PRKACB: variants seen among roughly 807,000 people sequenced by gnomAD.
PRKACB encodes the protein cAMP-dependent protein kinase catalytic subunit beta.
In PRKACB, 16 loss-of-function variants were observed where a neutral mutation model predicts 51.4. The ratio of observed to expected loss-of-function variants is 0.31; its 90% CI spans 0.21 to 0.47. The LOEUF is 0.47. PRKACB is among the 20% of genes least tolerant of loss of function. The probability of loss-of-function intolerance (pLI) is 1.00; values close to 1 mark genes in which losing one functional copy is unlikely to be tolerated. For missense variants in PRKACB, 309 were observed against 464.5 expected (o/e 0.67, Z 3.08); for synonymous variants, 147 against 154.4 (o/e 0.95, Z 0.35).
chr1:84,164,477 C>A, intron 1 of PRKACB: 1 of 1,541,750 alleles, frequency 6.5e-7, no homozygotes, highest in African/African-American at 1.4e-5. Flanking sequence ...ATGTAAAAAG[C>A]GTAGATTAGT....
At chr1:84,079,980 A>T (rs1467704278) in intron 1 of PRKACB, among the ~76,000 whole-genome samples, 1 of 152,148 alleles carries the variant, frequency 6.6e-6, no homozygotes, top group Non-Finnish European at 1.5e-5. Flanking sequence ...TTGTCTTTTT[A>T]AAATTGCACA....
chr1:84,211,709 A>G (rs1672160599), intron 8 of PRKACB, among the ~76,000 whole-genome samples: 1 of 152,174 alleles, frequency 6.6e-6, no homozygotes, highest in Non-Finnish European at 1.5e-5. Flanking sequence ...TAGCTCTGTA[A>G]TCTTAGGCAA....
intron 1 of PRKACB, among the ~76,000 whole-genome samples, chr1:84,122,691 A>C (rs1651182187): frequency 6.6e-6 from 1 of 152,202 alleles, no homozygotes; most frequent in Non-Finnish European, 1.5e-5. Flanking sequence ...TAGTGAATTA[A>C]AAGGACGTTT....
chr1:84,158,175 T>C (rs139159961), intron 1 of PRKACB, among the ~76,000 whole-genome samples: 39 of 152,092 alleles, frequency 2.6e-4, no homozygotes, highest in African/African-American at 8.9e-4. Context: ...GTAGCTGGCA[T>C]TACAGGCATG....
At chr1:84,179,969 C>T (rs1386353707) in intron 2 of PRKACB, among the ~76,000 whole-genome samples, 3 of 145,824 alleles carry the variant, frequency 2.1e-5, no homozygotes, top group African/African-American at 5.1e-5. Flanking sequence ...CGACAGGCCC[C>T]GGTGTGTGAT....
intron 1 of PRKACB, among the ~76,000 whole-genome samples, chr1:84,106,100 A>G (rs1378443329): frequency 6.6e-6 from 1 of 152,166 alleles, no homozygotes; most frequent in East Asian, 1.9e-4. Context: ...TACAAATACT[A>G]TGCCATTTGA....
At chr1:84,145,563 T>C (rs1374790415) in intron 1 of PRKACB, among the ~76,000 whole-genome samples, 1 of 152,144 alleles carries the variant, frequency 6.6e-6, no homozygotes, top group African/African-American at 2.4e-5. Flanking sequence ...TTTGAATTAA[T>C]TTTTTACTAA....
At chr1:84,086,311 G>T (rs960637734) in intron 1 of PRKACB, 1 of 917,174 alleles carries the variant, frequency 1.1e-6, no homozygotes, top group East Asian at 2.4e-5. Context: ...CCTCCCTCCT[G>T]TCTGGCCCCT....
chr1:84,126,683 C>T (rs553431604), intron 1 of PRKACB, among the ~76,000 whole-genome samples: 2 of 152,140 alleles, frequency 1.3e-5, no homozygotes, highest in Non-Finnish European at 2.9e-5. Context: ...CCCTCTTCTA[C>T]CCAGTATTTC....
chr1:84,233,946 G>A (rs1267380069), intron 9 of PRKACB, among the ~76,000 whole-genome samples: 15 of 151,742 alleles, frequency 9.9e-5, no homozygotes, highest in Admixed American at 3.3e-4. Context: ...GCTTTGTTCC[G>A]TTGCTGGTGA....
chr1:84,088,837 GGA>G (rs1648228461), intron 1 of PRKACB, among the ~76,000 whole-genome samples: 1 of 152,168 alleles, frequency 6.6e-6, no homozygotes, highest in Admixed American at 6.5e-5. Flanking sequence ...CCTTAAATTG[GGA>G]GACAGATACA....
chr1:84,175,799 A>T (rs1661042885), intron 1 of PRKACB: 2 of 1,573,862 alleles, frequency 1.3e-6, no homozygotes, highest in Non-Finnish European at 1.7e-6. Context: ...GAACATGTAG[A>T]TTCCTTTGGT....
intron 1 of PRKACB, among the ~76,000 whole-genome samples, chr1:84,177,228 C>T (rs778624364): frequency 6.6e-6 from 1 of 151,966 alleles, no homozygotes; most frequent in Non-Finnish European, 1.5e-5. Flanking sequence ...TTTTGGGAAT[C>T]ACAAGTTGTT....
chr1:84,096,572 A>G (rs563756454), intron 1 of PRKACB, among the ~76,000 whole-genome samples: 1 of 152,240 alleles, frequency 6.6e-6, no homozygotes, highest in South Asian at 2.1e-4. Flanking sequence ...TTGATCTCTA[A>G]TCATTTCCCA....
At chr1:84,085,844 C>A (rs572670594) in intron 1 of PRKACB, 95 of 507,566 alleles carry the variant, frequency 1.9e-4, no homozygotes, top group Non-Finnish European at 2.7e-4. Context: ...CTGCAGACCC[C>A]ACAGTGCAGT....
intron 8 of PRKACB, among the ~76,000 whole-genome samples, chr1:84,212,587 A>G (rs758932629): frequency 7.2e-5 from 11 of 152,048 alleles, no homozygotes; most frequent in Non-Finnish European, 1.6e-4. Context: ...ACTGGTCCCA[A>G]CTCTGCCACT....
chr1:84,129,475 C>T (rs931443088), intron 1 of PRKACB, among the ~76,000 whole-genome samples: 3 of 152,032 alleles, frequency 2.0e-5, no homozygotes, highest in Non-Finnish European at 4.4e-5. Flanking sequence ...CTTTTTGTCT[C>T]ATAAAGTACT....
At chr1:84,220,227 G>T (rs1331478514) in intron 9 of PRKACB, among the ~76,000 whole-genome samples, 2 of 151,904 alleles carry the variant, frequency 1.3e-5, no homozygotes, top group Non-Finnish European at 2.9e-5. Flanking sequence ...TATTATAAAT[G>T]GAATTATATT....
Position 84,101,414 on chromosome 1 carries a change from C to G in PRKACB, c.46+23043C>G, listed in dbSNP as rs186765470. Among the ~76,000 whole-genome samples, 626 of 152,288 alleles carry G rather than the reference C, an allele frequency of 4.1e-3. 3 individuals carry two copies. Among genetic ancestry groups the G allele is most frequent in the African/African-American group, 0.014 (563 of 41,572 alleles). ...ACCTAGATCAGTGTTGAATAACTAA[C>G]GACTATACCCTAGCCAAGTTGACAC... On this transcript the variant is annotated intron_variant, in intron 1 of 8. Coordinates refer to the PRKACB transcript ENST00000370688.
Sources: allele counts gnomAD v4.1 joint callset (sites outside exome capture counted in the v4.1 genomes callset), GRCh38; gene constraint gnomAD v4.1.1; transcripts MANE v1.5; gene names NCBI Gene and HGNC (gene_info 2026-07-23, HGNC 2026-07-21).